DNAJC6: variants seen among roughly 807,000 people sequenced by gnomAD.
The protein encoded by DNAJC6 is DnaJ heat shock protein family (Hsp40) member C6, also known as auxilin.
Under a neutral mutation model 110.0 loss-of-function variants are expected in DNAJC6, and 34 were observed. The ratio of observed to expected loss-of-function variants is 0.31; its 90% CI spans 0.24 to 0.41. DNAJC6 has a LOEUF of 0.41. DNAJC6 is among the 10% of genes least tolerant of loss of function. The pLI is 1.00. For synonymous variants in DNAJC6, 406 were observed against 437.2 expected, an observed-to-expected ratio of 0.93 and a Z score of 0.89; for missense variants, 1,031 against 1,207.8, an observed-to-expected ratio of 0.85 and a Z score of 2.17.
At chr1:65,304,028 C>A (rs2375702) in intron 1 of DNAJC6, among the ~76,000 whole-genome samples, 10,662 of 152,144 alleles carry the variant, frequency 0.07, 478 homozygotes, top group South Asian at 0.14. Context: ...TGTTGTGTAA[C>A]CCTGGGCCAG....
chr1:65,391,510 C>T (rs1293264576), intron 11 of DNAJC6, among the ~76,000 whole-genome samples: 3 of 152,134 alleles, frequency 2.0e-5, no homozygotes, highest in Non-Finnish European at 4.4e-5. Flanking sequence ...CACAGCAGAG[C>T]TCTTCTTTTC....
chr1:65,370,932 A>G (rs9436276), intron 4 of DNAJC6, among the ~76,000 whole-genome samples: 145,180 of 152,210 alleles, frequency 0.95, 69,296 homozygotes, highest in East Asian at 1. Flanking sequence ...CTGGAGTGGG[A>G]GAAGTTTATA....
chr1:65,360,644 G>A lies in DNAJC6; in HGVS notation c.194-3991G>A, dbSNP rs1436431617. ...AAAACATGATACAGATTTTTACATG[G>A]TGGGGTGTGTTTACAGGGAAATAAT... On this transcript the variant is annotated intron_variant, in intron 1 of 18. Transcript: ENST00000371069. Among the ~76,000 whole-genome samples the A allele has an allele frequency of 2.6e-5, 4 of 152,158 alleles. 1 individual carries two copies. Among genetic ancestry groups the A allele is most frequent in the Non-Finnish European group, 5.9e-5 (4 of 68,022 alleles).
intron 1 of DNAJC6, among the ~76,000 whole-genome samples, chr1:65,333,455 T>G (rs373317551): frequency 1.3e-5 from 2 of 152,236 alleles, no homozygotes; most frequent in Admixed American, 6.5e-5. Flanking sequence ...TACAACTGCC[T>G]TGTAAACTGG....
At chr1:65,296,775 A>G (rs776722781) in intron 1 of DNAJC6, among the ~76,000 whole-genome samples, 1 of 151,848 alleles carries the variant, frequency 6.6e-6, no homozygotes, top group Non-Finnish European at 1.5e-5. Context: ...TTTATTAGAG[A>G]CGGGGTTTCA....
Position 65,389,194 on chromosome 1 carries a change from C to T in DNAJC6, c.1194-62C>T, listed in dbSNP as rs1645900748. Reference sequence around the variant, plus strand: ...GAGTCAACCTAAGATGACTTCTGTGCCAAACATCATACCAGTTCCATTGTT... The same window carrying T: ...GAGTCAACCTAAGATGACTTCTGTGTCAAACATCATACCAGTTCCATTGTT... On this transcript the variant is annotated intron_variant, in intron 9 of 18. Transcript: ENST00000371069. 1.3e-5 allele frequency: 19 copies of T among 1,477,520 alleles called. No homozygotes were observed. The South Asian group carries it at 2.4e-4, about 19-fold the overall frequency. The allele number at this position is 1,477,520 out of a possible 1,614,324, so 91.5% of individuals were successfully genotyped here. A position where few individuals can be genotyped will look rare whatever the true frequency, so the allele number is the denominator to read the frequency against.
rs146099965 is a variant in DNAJC6, at chr1:65,341,511, T to G, written c.194-23124T>G. Among the ~76,000 whole-genome samples the G allele has an allele frequency of 1.9e-3, 292 of 152,274 alleles. 3 individuals carry two copies. The highest frequency in any genetic ancestry group is 6.3e-3 in the African/African-American group (262 of 41,548). On this transcript the variant is annotated intron_variant, in intron 1 of 18. Transcript: ENST00000371069. ...TGCTAATGACTTATCAGCTCTTTTG[T>G]CCATAGTCTTCTCAAAGAAAAAAGG...
intron 1 of DNAJC6, among the ~76,000 whole-genome samples, chr1:65,286,662 A>G (rs1654029703): frequency 6.6e-6 from 1 of 152,206 alleles, no homozygotes; most frequent in Admixed American, 6.5e-5. Flanking sequence ...TTGGTTTTGG[A>G]GTAACTCTAG....
chr1:65,336,896 C>A (rs1485521140), intron 1 of DNAJC6, among the ~76,000 whole-genome samples: 1 of 152,028 alleles, frequency 6.6e-6, no homozygotes, highest in African/African-American at 2.4e-5. Flanking sequence ...CTTATTTTTG[C>A]CTTTTTATAG....
intron 1 of DNAJC6, among the ~76,000 whole-genome samples, chr1:65,323,110 A>G (rs1449775911): frequency 6.6e-6 from 1 of 152,206 alleles, no homozygotes; most frequent in Non-Finnish European, 1.5e-5. Context: ...GTTGTTCTAG[A>G]TTCAAGTTTT....
At chr1:65,326,481 G>A (rs1645242881) in intron 1 of DNAJC6, among the ~76,000 whole-genome samples, 1 of 152,068 alleles carries the variant, frequency 6.6e-6, no homozygotes, top group Non-Finnish European at 1.5e-5. Context: ...AAGGGATGGA[G>A]GAAAAAGCAT....
intron 1 of DNAJC6, among the ~76,000 whole-genome samples, chr1:65,278,075 A>G (rs976490491): frequency 4.6e-5 from 7 of 152,254 alleles, no homozygotes; most frequent in African/African-American, 1.4e-4. Context: ...AAAGGTGGGT[A>G]CTTGGTTACA....
chr1:65,404,105 G>A lies in DNAJC6; in HGVS notation c.2228-1765G>A, dbSNP rs9436289. Among the ~76,000 whole-genome samples, 635 of 152,268 alleles carry A rather than the reference G, an allele frequency of 4.2e-3. 2 individuals are homozygous for A. The highest frequency in any genetic ancestry group is 0.011 in the African/African-American group (472 of 41,544). On this transcript the variant is annotated intron_variant, in intron 15 of 18. Transcript: ENST00000371069. ...TACCAAGTTTTAGGTGTATGTTCCCGTGCTATTGGCAGGAGGGCTCTGGGA... is the reference window on the plus strand; with the variant it reads ...TACCAAGTTTTAGGTGTATGTTCCCATGCTATTGGCAGGAGGGCTCTGGGA...
At chr1:65,372,918 A>G (rs1645721565) in intron 4 of DNAJC6, among the ~76,000 whole-genome samples, 1 of 152,178 alleles carries the variant, frequency 6.6e-6, no homozygotes, top group South Asian at 2.1e-4. Flanking sequence ...TTTTAAGTGT[A>G]CAGTTTAATT....
At chr1:65,356,630 G>C (rs1341018030) in intron 1 of DNAJC6, among the ~76,000 whole-genome samples, 1 of 151,418 alleles carries the variant, frequency 6.6e-6, no homozygotes, top group Non-Finnish European at 1.5e-5. Flanking sequence ...AAAAATTTCT[G>C]GTCATTTTAG....
chr1:65,336,291 C>T (rs531953274), intron 1 of DNAJC6, among the ~76,000 whole-genome samples: 30 of 152,196 alleles, frequency 2.0e-4, no homozygotes, highest in African/African-American at 6.7e-4. Flanking sequence ...ACCACTATCA[C>T]GAGAACAGGA....
At chr1:65,399,346 A>G (rs1646008714) in intron 14 of DNAJC6, among the ~76,000 whole-genome samples, 2 of 152,192 alleles carry the variant, frequency 1.3e-5, no homozygotes, top group Admixed American at 1.3e-4. Flanking sequence ...TACTTACTTC[A>G]GGGTGGGATT....
intron 1 of DNAJC6, among the ~76,000 whole-genome samples, chr1:65,362,814 G>C (rs1325112966): frequency 6.6e-6 from 1 of 152,196 alleles, no homozygotes; most frequent in African/African-American, 2.4e-5. Context: ...CTTCCTTCCT[G>C]TATCAGCCTG....
intron 1 of DNAJC6, among the ~76,000 whole-genome samples, chr1:65,267,271 T>C (rs1441166093): frequency 6.6e-6 from 1 of 152,194 alleles, no homozygotes; most frequent in Non-Finnish European, 1.5e-5. Flanking sequence ...AGGCTCTGGC[T>C]TGTTCAGTTA....
Sources: allele counts gnomAD v4.1 joint callset (sites outside exome capture counted in the v4.1 genomes callset), GRCh38; gene constraint gnomAD v4.1.1; transcripts MANE v1.5; gene names NCBI Gene and HGNC (gene_info 2026-07-23, HGNC 2026-07-21).